TRAP1: variants seen among roughly 807,000 people sequenced by gnomAD.
The protein encoded by TRAP1 is TNF receptor associated protein 1, also known as heat shock protein 75 kDa, mitochondrial.
Under a neutral mutation model 89.1 loss-of-function variants are expected in TRAP1, and 102 were observed. The observed-to-expected ratio is 1.15, with a 90% CI of 0.98 to 1.35. The LOEUF (loss-of-function observed/expected upper bound fraction) is 1.35, where lower values mean the gene tolerates loss of function less well. Among genes scored for constraint, TRAP1 ranks in the 40% most tolerant of loss-of-function variants. The pLI is 0.00. For missense variants in TRAP1, 1,256 were observed against 945.3 expected (o/e 1.33, Z -4.31); for synonymous variants, 508 against 388.0 (o/e 1.31, Z -3.64).
At chr16:3,683,512 A>G (rs2051099894) in intron 4 of TRAP1, among the ~76,000 whole-genome samples, 1 of 151,276 alleles carries the variant, frequency 6.6e-6, no homozygotes, top group African/African-American at 2.4e-5. Flanking sequence ...CAGCCTCCTG[A>G]GCAGCTGGGA....
intron 1 of TRAP1, among the ~76,000 whole-genome samples, chr16:3,705,863 A>T (rs573892461): frequency 2.7e-3 from 399 of 148,868 alleles, no homozygotes; most frequent in Middle Eastern, 6.9e-3. Context: ...ATATATATAT[A>T]TTTTTTTTTA....
intron 16 of TRAP1, chr16:3,659,760 G>T (rs1432879443): frequency 1.4e-5 from 2 of 143,254 alleles, no homozygotes; most frequent in South Asian, 2.1e-4. Flanking sequence ...TAGATAGATA[G>T]ATAGATAGAT....
At chr16:3,664,767 C>T (rs2050789670) in intron 12 of TRAP1, 1 of 332,630 alleles carries the variant, frequency 3.0e-6, no homozygotes, top group African/African-American at 2.2e-5. Flanking sequence ...GGCCTGGACC[C>T]AGCGTCTTCC....
At chr16:3,659,763 A>C (rs2042959945) in intron 16 of TRAP1, 1 of 151,028 alleles carries the variant, frequency 6.6e-6, no homozygotes, top group South Asian at 2.1e-4. Context: ...ATAGATAGAT[A>C]GATAGATAGA....
At chr16:3,678,516 C>T (rs4786429) in intron 5 of TRAP1, 110,013 of 152,024 alleles carry the variant, frequency 0.72, 40,227 homozygotes, top group East Asian at 1. Flanking sequence ...CAGGCTGGAG[C>T]GCGGTGGCGT....
intron 17 of TRAP1, 49 bp downstream of exon 17, chr16:3,658,735 CAGGCTGGCA>C: frequency 1.3e-6 from 2 of 1,530,962 alleles, no homozygotes; most frequent in Non-Finnish European, 9.0e-7. Flanking sequence ...ACCCTGAAGG[CAGGCTGGCA>C]GGGCTGGTAG....
In TRAP1 at chr16:3,707,184, C is replaced by CTT. The variant is rs747339831; in HGVS notation, c.88+10235_88+10236dup. On this transcript the variant is annotated intron_variant, in intron 1 of 17. Coordinates refer to ENST00000246957, the MANE Select transcript of TRAP1 (RefSeq NM_016292.3). ...TAAAAAAAATGATTTAAGAGGAAAT[C>CTT]TTTTTTTTTTTTTTTTTTTGAGGCG... Among the ~76,000 whole-genome samples, 178 of 130,036 alleles carry CTT rather than the reference C, an allele frequency of 1.4e-3. 1 individual carries two copies. Among genetic ancestry groups the CTT allele is most frequent in the Middle Eastern group, 4.2e-3 (1 of 240 alleles). 85.3% of individuals were successfully genotyped at this position (130,036 alleles called of 152,430 possible). A position where few individuals can be genotyped will look rare whatever the true frequency, so the allele number is the denominator to read the frequency against.
At position 3,674,483 on chromosome 16, in the gene TRAP1, C is replaced by T. The variant is rs2050960320; in HGVS notation, c.900G>A (p.Met300Ile). Residue 300 changes from methionine (M) to isoleucine (I), a missense_variant, in exon 9 of 18, where the codon ATG (methionine) becomes ATA (isoleucine). Transcript: ENST00000246957. Reference protein sequence around the residue: ...RRMNTLQAIWMMDPKDVREWQ... With the variant: ...RRMNTLQAIWIMDPKDVREWQ... ...ACTCACGGACATCCTTGGGGTCCAT[C>T]ATCCAGATGGCCTGGAAACGGAGAT... 6.2e-7 allele frequency: 1 copy of T among 1,613,820 alleles called. No homozygotes were observed. The highest frequency in any genetic ancestry group is 8.5e-7 in the Non-Finnish European group (1 of 1,179,992).
intron 13 of TRAP1, 69 bp downstream of exon 13, chr16:3,664,205 G>C (rs1382893718): frequency 1.4e-6 from 2 of 1,444,490 alleles, no homozygotes; most frequent in Non-Finnish European, 1.8e-6. Flanking sequence ...ACCCAGCACA[G>C]AGCTGAGAAG....
At chr16:3,682,551 A>ATCTG (rs2051086518) in intron 4 of TRAP1, among the ~76,000 whole-genome samples, 1 of 151,954 alleles carries the variant, frequency 6.6e-6, no homozygotes, top group African/African-American at 2.4e-5. Context: ...TGCCACACCC[A>ATCTG]GCTAATTTCT....
intron 1 of TRAP1, among the ~76,000 whole-genome samples, chr16:3,714,115 G>A (rs972131164): frequency 2.6e-5 from 4 of 152,032 alleles, no homozygotes; most frequent in African/African-American, 7.2e-5. Flanking sequence ...TTGGACACTC[G>A]GCCCAAATCG....
At chr16:3,677,466 G>C (rs2151258010) in intron 6 of TRAP1, 32 bp downstream of exon 6, 3 of 1,613,982 alleles carry the variant, frequency 1.9e-6, no homozygotes, top group East Asian at 2.2e-5. Context: ...GCTCAGCTTT[G>C]AGCTGCCTGT....
chr16:3,679,646 A>T, intron 5 of TRAP1, 73 bp downstream of exon 5: 3 of 1,520,464 alleles, frequency 2.0e-6, no homozygotes, highest in Non-Finnish European at 2.7e-6. Context: ...TCTGGCACCC[A>T]GGGCCACCCC....
intron 7 of TRAP1, among the ~76,000 whole-genome samples, chr16:3,675,639 G>T (rs2050980593): frequency 6.6e-6 from 1 of 152,222 alleles, no homozygotes; most frequent in Admixed American, 6.5e-5. Flanking sequence ...AGACTGCAAT[G>T]TCAGCTTGTG....
intron 16 of TRAP1, chr16:3,659,155 A>C (rs1003676247): frequency 3.1e-6 from 1 of 322,796 alleles, no homozygotes; most frequent in African/African-American, 2.2e-5. Context: ...CTTGGTTCCT[A>C]GATAAATAAT....
At chr16:3,698,386 C>T (rs2051318964) in intron 1 of TRAP1, among the ~76,000 whole-genome samples, 1 of 151,658 alleles carries the variant, frequency 6.6e-6, no homozygotes, top group Admixed American at 6.6e-5. Context: ...TCTCGGCTCA[C>T]TGCAAGCTCC....
intron 3 of TRAP1, 68 bp from the exon 4 acceptor site, chr16:3,686,204 C>G: frequency 6.5e-7 from 1 of 1,545,672 alleles, no homozygotes; most frequent in South Asian, 1.2e-5. Flanking sequence ...ATCTGGTCAG[C>G]TGCACTTCCA....
chr16:3,713,675 A>C (rs1567249742), intron 1 of TRAP1, among the ~76,000 whole-genome samples: 1 of 152,168 alleles, frequency 6.6e-6, no homozygotes, highest in Non-Finnish European at 1.5e-5. Flanking sequence ...CGTCATGCAA[A>C]ATGACCAACC....
intron 1 of TRAP1, among the ~76,000 whole-genome samples, chr16:3,694,375 G>A (rs1202938054): frequency 1.3e-5 from 2 of 151,498 alleles, no homozygotes; most frequent in Non-Finnish European, 2.9e-5. Context: ...ACAGAGTCTC[G>A]CTCTGTCATC....
Sources: gnomAD v4.1 joint callset for allele counts (sites outside exome capture counted in the v4.1 genomes callset) on GRCh38, gnomAD v4.1.1 for gene constraint, MANE v1.5 for transcripts, NCBI Gene and HGNC (gene_info 2026-07-23, HGNC 2026-07-21) for gene names.